Variants in INPP4B observed in about 807,000 individuals in gnomAD.
INPP4B encodes inositol polyphosphate 4-phosphatase type II.
A neutral mutation model predicts 122.5 loss-of-function variants in INPP4B; 55 were observed. The ratio of observed to expected loss-of-function variants is 0.45; its 90% CI spans 0.36 to 0.56. The LOEUF (loss-of-function observed/expected upper bound fraction) is 0.56. Among genes scored for constraint, INPP4B ranks in the 20% least tolerant of loss-of-function variants. INPP4B has a pLI of 0.00. For missense variants in INPP4B, 1,000 were observed against 1,097.7 expected, an observed-to-expected ratio of 0.91 and a Z score of 1.26; for synonymous variants, 403 against 388.7, an observed-to-expected ratio of 1.04 and a Z score of -0.43.
At chr4:142,312,053 G>A (rs3822154) in intron 8 of INPP4B, among the ~76,000 whole-genome samples, 46,463 of 152,028 alleles carry the variant, frequency 0.31, 8,358 homozygotes, top group African/African-American at 0.51. Flanking sequence ...CTTAGGGTAC[G>A]TTCCTAATTG....
rs1041640394 is a variant in INPP4B at position 142,237,986 on chromosome 4, T to C, written c.714A>G (p.Leu238=). The C allele has an allele frequency of 5.1e-6, 8 of 1,553,614 alleles. 1 individual carries two copies. Among genetic ancestry groups the C allele is most frequent in the Admixed American group, 5.0e-5 (3 of 59,412 alleles). Residue 238 remains leucine, a synonymous_variant, in exon 12 of 26, where the codon TTA becomes TTG. Coordinates refer to ENST00000262992, the MANE Select transcript of INPP4B (RefSeq NM_001101669.3). ...NSVLKNPVCK[L]YRFPTSDNKW... ...TATTGTCAGATGTGGGAAATCTATA[T>C]AATTTACATACTGGGTTCTTTAACA...
At chr4:142,438,807 C>A (rs771837259) in intron 3 of INPP4B, among the ~76,000 whole-genome samples, 2 of 152,104 alleles carry the variant, frequency 1.3e-5, no homozygotes, top group South Asian at 4.1e-4. Context: ...ACCCGTCGGA[C>A]AAAGGCCTAA....
intron 25 of INPP4B, among the ~76,000 whole-genome samples, chr4:142,059,692 T>C (rs756104925): frequency 2.6e-5 from 4 of 152,136 alleles, no homozygotes; most frequent in African/African-American, 7.2e-5. Flanking sequence ...AAGCAACTCA[T>C]AGTCAACTAA....
intron 2 of INPP4B, among the ~76,000 whole-genome samples, chr4:142,610,635 T>C (rs780429179): frequency 6.6e-6 from 1 of 152,184 alleles, no homozygotes. Flanking sequence ...TAATTAGTTG[T>C]GTGGTATTAG....
intron 10 of INPP4B, among the ~76,000 whole-genome samples, chr4:142,263,465 A>G (rs1376474019): frequency 6.6e-6 from 1 of 151,554 alleles, no homozygotes; most frequent in African/African-American, 2.4e-5. Context: ...TCTATGAGAT[A>G]ATTTTTAGCT....
intron 25 of INPP4B, among the ~76,000 whole-genome samples, chr4:142,040,084 G>A (rs1012302040): frequency 1.3e-5 from 2 of 151,476 alleles, no homozygotes; most frequent in African/African-American, 4.9e-5. Context: ...GAGAGAGAAA[G>A]AGAAACAGAA....
intron 1 of INPP4B, among the ~76,000 whole-genome samples, chr4:142,789,018 T>C (rs963543071): frequency 6.6e-6 from 1 of 152,102 alleles, no homozygotes; most frequent in African/African-American, 2.4e-5. Context: ...GAAAAAGCAT[T>C]TGATGAAATC....
At chr4:142,192,333 T>TAAAAA (rs71586265) in intron 15 of INPP4B, among the ~76,000 whole-genome samples, 5 of 8,940 alleles carry the variant, frequency 5.6e-4, no homozygotes, top group African/African-American at 1.1e-3. Flanking sequence ...AATCTAAAAG[T>TAAAAA]AAAAAAAAAA....
rs77937667 is a variant in INPP4B, at chr4:142,372,097, A to C, written c.372+30841T>G. 4.4e-3 allele frequency among the ~76,000 whole-genome samples: 668 copies of C among 152,244 alleles called. 5 individuals carry two copies. The highest frequency in any genetic ancestry group is 0.016 in the African/African-American group (657 of 41,580). On this transcript the variant is annotated intron_variant, in intron 7 of 25. Transcript: ENST00000262992. ...GTATATACACAATAAAATACTATTC[A>C]TCTATTAACAATAATAAAATCCTTT...
intron 5 of INPP4B, among the ~76,000 whole-genome samples, chr4:142,419,571 G>A (rs1371176633): frequency 6.6e-6 from 1 of 152,066 alleles, no homozygotes; most frequent in African/African-American, 2.4e-5. Flanking sequence ...GCCACTGCAG[G>A]CAAGTCACTT....
At chr4:142,592,725 C>A (rs933744249) in intron 2 of INPP4B, among the ~76,000 whole-genome samples, 28 of 152,200 alleles carry the variant, frequency 1.8e-4, no homozygotes, top group African/African-American at 4.3e-4. Flanking sequence ...GTAATTCAAG[C>A]CTTTTTCAGG....
chr4:142,300,037 G>T (rs1025854998), intron 9 of INPP4B, among the ~76,000 whole-genome samples: 1 of 152,086 alleles, frequency 6.6e-6, no homozygotes, highest in East Asian at 1.9e-4. Context: ...AAAAAGTGTA[G>T]GAATAGAAAA....
At chr4:142,425,382 A>C (rs1807818728) in intron 5 of INPP4B, 1 of 152,084 alleles carries the variant, frequency 6.6e-6, no homozygotes, top group South Asian at 2.1e-4. Flanking sequence ...CCAGTAGCCC[A>C]GCAAATGGTC....
chr4:142,629,425 T>A (rs1358195769), intron 2 of INPP4B, among the ~76,000 whole-genome samples: 2 of 152,068 alleles, frequency 1.3e-5, no homozygotes, highest in Non-Finnish European at 2.9e-5. Flanking sequence ...ACAGGATAAA[T>A]GCAGAGATTC....
chr4:142,159,254 G>A (rs1220083534), intron 17 of INPP4B, among the ~76,000 whole-genome samples: 1 of 31,570 alleles, frequency 3.2e-5, no homozygotes, highest in Non-Finnish European at 6.3e-5. Context: ...TGTACACTTG[G>A]AACTGTGAAA....
chr4:142,252,008 C>CTATTG (rs1732384398), intron 11 of INPP4B, among the ~76,000 whole-genome samples: 1 of 152,090 alleles, frequency 6.6e-6, no homozygotes, highest in Non-Finnish European at 1.5e-5. Context: ...TGAGCAAAGG[C>CTATTG]CTTGGAATCA....
chr4:142,643,059 ACTCT>A (rs1166721329), intron 2 of INPP4B, among the ~76,000 whole-genome samples: 36 of 150,844 alleles, frequency 2.4e-4, no homozygotes, highest in Admixed American at 2.2e-3. Flanking sequence ...TCATGATTTG[ACTCT>A]CTCTTTGTCT....
At chr4:142,177,463 C>G (rs1224123876) in intron 15 of INPP4B, among the ~76,000 whole-genome samples, 1 of 151,806 alleles carries the variant, frequency 6.6e-6, no homozygotes, top group African/African-American at 2.4e-5. Flanking sequence ...TAAACTGGAT[C>G]CAAACACTTG....
In INPP4B at chr4:142,644,062, G is replaced by A. The variant is rs145740473; in HGVS notation, c.-191+81777C>T. Among the ~76,000 whole-genome samples, 21 of 152,154 alleles carry A rather than the reference G, an allele frequency of 1.4e-4. No homozygotes were observed. The East Asian group carries it at 2.7e-3, about 20-fold the overall frequency. On this transcript the variant is annotated intron_variant, in intron 2 of 25. Transcript: ENST00000262992. ...CAAAAACTAAAAAAATTAGCCAGGT[G>A]TGGTGGCAGGTGCCTATAGTCCTAG...
Sources: allele counts gnomAD v4.1 joint callset (sites outside exome capture counted in the v4.1 genomes callset), GRCh38; gene constraint gnomAD v4.1.1; transcripts MANE v1.5; gene names NCBI Gene and HGNC (gene_info 2026-07-23, HGNC 2026-07-21).